HOMER3: variants seen among roughly 807,000 people sequenced by gnomAD.
HOMER3 encodes homer protein homolog 3.
HOMER3 carries 34 observed loss-of-function variants against 45.5 expected under a neutral mutation model. The observed-to-expected ratio is 0.75, with a 90% CI of 0.57 to 1.00. HOMER3 has a LOEUF of 1.00. HOMER3 is among the 50% of genes least tolerant of loss of function. HOMER3 has a pLI of 0.00. For synonymous variants in HOMER3, 223 were observed against 208.8 expected, an observed-to-expected ratio of 1.07 and a Z score of -0.58; for missense variants, 480 against 497.5, an observed-to-expected ratio of 0.96 and a Z score of 0.33.
At chr19:18,931,937 G>A in intron 7 of HOMER3, 39 bp downstream of exon 7, 1 of 1,488,550 alleles carries the variant, frequency 6.7e-7, no homozygotes, top group Non-Finnish European at 8.9e-7. Context: ...CAGTTGCCCG[G>A]GCCAGGTGGG....
rs574022526 is a variant in HOMER3, at chr19:18,938,405, C to T, written c.251G>A (p.Arg84His). 1.3e-4 allele frequency: 211 copies of T among 1,614,040 alleles called. 3 individuals are homozygous for T. In the South Asian group the frequency reaches 2.1e-3, roughly 16 times the overall value. The change falls in exon 4 of 10, where the codon CGC becomes CAC. Residue 84 changes from arginine (R) to histidine (H), a missense_variant. Coordinates refer to ENST00000392351, the MANE Select transcript of HOMER3 (RefSeq NM_004838.4). ...GCCCAGGCCGTAGACTGTGTTGGCG[C>T]GACTGTCGGCCCACTGCCCGAACTT... ...SQKFGQWADS[R>H]ANTVYGLGFA...
At chr19:18,937,672 CAAAAA>C (rs398034178) in intron 4 of HOMER3, among the ~76,000 whole-genome samples, 1 of 64,264 alleles carries the variant, frequency 1.6e-5, no homozygotes, top group Non-Finnish European at 3.1e-5. Context: ...GCATTATCTC[CAAAAA>C]AAAAAAAAAA....
Position 18,929,437 on chromosome 19 carries a change from C to A in HOMER3, c.*6G>T. On this transcript the variant is annotated 3_prime_UTR_variant, in exon 10 of 10. Transcript: ENST00000392351. ...CCGGAATCGTTCATAGAAAACCAGC[C>A]CCGGCTCAGGGCGCAGCCTCAGCCA... is the stretch of plus-strand genomic sequence containing the variant. 1 of 1,588,958 alleles carries A rather than the reference C, an allele frequency of 6.3e-7. No individual in the cohort carries two copies. The highest frequency in any genetic ancestry group is 8.5e-7 in the Non-Finnish European group (1 of 1,171,908).
In HOMER3 at chr19:18,936,317, A is replaced by AAAATAAAT. The variant is rs57691524; in HGVS notation, c.304-1915_304-1908dup. ...GACAAGAGTGAAACTCTGTCTCAAA[A>AAAATAAAT]AAATAAATAAATAAATAAATAAATA... On this transcript the variant is annotated intron_variant, in intron 4 of 9. Transcript: ENST00000392351. Among the ~76,000 whole-genome samples, 1,225 of 139,046 alleles carry AAAATAAAT rather than the reference A, an allele frequency of 8.8e-3. 20 individuals are homozygous for AAAATAAAT. Among genetic ancestry groups the AAAATAAAT allele is most frequent in the African/African-American group, 0.026 (914 of 34,772 alleles). The allele number at this position is 139,046 out of a possible 152,430, so 91.2% of individuals were successfully genotyped here. A position where few individuals can be genotyped will look rare whatever the true frequency, so the allele number is the denominator to read the frequency against.
At chr19:18,938,330 A>G in intron 4 of HOMER3, 23 bp downstream of exon 4, 2 of 1,592,322 alleles carry the variant, frequency 1.3e-6, no homozygotes, top group South Asian at 1.1e-5. Flanking sequence ...GGTTCCCTCC[A>G]CTCTCCCCCT....
chr19:18,938,835 C>G lies in HOMER3; in HGVS notation c.64G>C (p.Ala22Pro). The G allele has an allele frequency of 1.2e-6, 2 of 1,601,720 alleles. No homozygotes were observed. Reference sequence around the variant, plus strand: ...GCTGGGATCCAGTTTCGCTTGGTGGCTGGGTCAATTTGGAACACGTGCGCC... The same window carrying G: ...GCTGGGATCCAGTTTCGCTTGGTGGGTGGGTCAATTTGGAACACGTGCGCC... Reference protein sequence around the residue: ...TRAHVFQIDPATKRNWIPAGK... With the variant: ...TRAHVFQIDPPTKRNWIPAGK... Residue 22 changes from alanine to proline, a missense_variant, in exon 3 of 10, where the codon GCC becomes CCC. Physicochemically the swap from Ala to Pro is conservative, Grantham distance 27 (BLOSUM62 -1). Transcript: ENST00000392351.
intron 5 of HOMER3, among the ~76,000 whole-genome samples, 199 bp downstream of exon 5, chr19:18,934,104 C>T (rs1239340705): frequency 2.0e-5 from 3 of 152,214 alleles, no homozygotes; most frequent in African/African-American, 7.2e-5. Context: ...CAGGCAAGGT[C>T]CAGACCCTCT....
chr19:18,930,058 T>TGA (rs1022684968), intron 9 of HOMER3, among the ~76,000 whole-genome samples: 1 of 151,562 alleles, frequency 6.6e-6, no homozygotes, highest in Non-Finnish European at 1.5e-5. Context: ...AAGACCAGCT[T>TGA]GGCCAACATG....
chr19:18,931,210 C>A (rs1315800812), intron 9 of HOMER3, 115 bp downstream of exon 9: 7 of 891,410 alleles, frequency 7.9e-6, no homozygotes, highest in East Asian at 2.5e-5. Context: ...GGGCATCAGG[C>A]CTTCCACAGG....
Position 18,929,335 on chromosome 19 carries a change from T to A in HOMER3, c.*108A>T. 7 of 1,229,042 alleles carry A rather than the reference T, an allele frequency of 5.7e-6. No homozygotes were observed. The highest frequency in any genetic ancestry group is 2.4e-5 in the East Asian group (1 of 42,174). The allele number at this position is 1,229,042 out of a possible 1,614,324, so 76.1% of individuals were successfully genotyped here. A position where few individuals can be genotyped will look rare whatever the true frequency, so the allele number is the denominator to read the frequency against. On this transcript the variant is annotated 3_prime_UTR_variant, in exon 10 of 10. Transcript: ENST00000392351. ...CAGCCCGGCCCGGCCCACCCAGGGC[T>A]AAGTTGGGACCCCCCAGTCCCTTTC...
intron 6 of HOMER3, 32 bp downstream of exon 6, chr19:18,932,892 C>A: frequency 8.6e-7 from 1 of 1,156,180 alleles, no homozygotes; most frequent in Non-Finnish European, 1.1e-6. Context: ...CCTACCCCCG[C>A]CCCTGCCACG....
chr19:18,932,005 G>A lies in HOMER3; in HGVS notation c.661C>T (p.Arg221Cys), dbSNP rs962394158. Residue 221 changes from arginine to cysteine, a missense_variant, in exon 7 of 10, where the codon CGT becomes TGT. Arg to Cys is a radical substitution (Grantham distance 180, BLOSUM62 -3). Transcript: ENST00000392351. ...AQWRQQLEAQ[R>C]AEAERLRQRV... ...TGCCGCAGCCGCTCGGCCTCTGCAC[G>A]CTGAGCCTCCAGCTGCTGCCTCCAC... is the stretch of plus-strand genomic sequence containing the variant. 2.5e-5 allele frequency: 38 copies of A among 1,545,596 alleles called. No homozygotes were observed. The Middle Eastern group carries it at 6.9e-4, about 28-fold the overall frequency.
At chr19:18,930,249 CAAA>C (rs35747460) in intron 9 of HOMER3, among the ~76,000 whole-genome samples, 3 of 93,724 alleles carry the variant, frequency 3.2e-5, no homozygotes, top group Admixed American at 1.2e-4. Flanking sequence ...GACTCCATCT[CAAA>C]AAAAAAAAAA....
chr19:18,938,808 C>T lies in HOMER3; in HGVS notation c.91G>A (p.Gly31Ser). 6.3e-7 allele frequency: 1 copy of T among 1,599,738 alleles called. No individual in the cohort carries two copies. The highest frequency in any genetic ancestry group is 1.1e-5 in the South Asian group (1 of 88,468). ...PATKRNWIPA[G>S]KHALTVSYFY... ...TAGGAGACAGTGAGTGCGTGCTTGC[C>T]CGCTGGGATCCAGTTTCGCTTGGTG... The change falls in exon 3 of 10, where the codon GGC becomes AGC. Residue 31 changes from glycine (G) to serine (S), a missense_variant. By Grantham distance (56) the Gly-to-Ser change is moderately conservative (BLOSUM62 0). Transcript: ENST00000392351.
chr19:18,932,549 G>A lies in HOMER3; in HGVS notation c.533+375C>T, dbSNP rs117668185. Among the ~76,000 whole-genome samples the A allele has an allele frequency of 3.7e-4, 56 of 152,196 alleles. No homozygotes were observed. In the East Asian group the frequency reaches 0.01, roughly 28 times the overall value. ...CAGAAGCGGGGTCTTGTCGAGGACC[G>A]AGTCAAAGAAGGGGGCACGTGGAGT... On this transcript the variant is annotated intron_variant, in intron 6 of 9. Coordinates refer to ENST00000392351, the MANE Select transcript of HOMER3 (RefSeq NM_004838.4).
chr19:18,932,885 A>ACCCCCCCCCCC, intron 6 of HOMER3, 39 bp downstream of exon 6: 1 of 687,538 alleles, frequency 1.5e-6, no homozygotes, highest in Non-Finnish European at 2.1e-6. Context: ...CCCCACCCCT[A>ACCCCCCCCCCC]CCCCCGCCCC....
chr19:18,933,113 T>A (rs894893233), intron 5 of HOMER3, 68 bp from the exon 6 acceptor site: 3 of 1,404,364 alleles, frequency 2.1e-6, no homozygotes, highest in Admixed American at 3.0e-5. Context: ...GTGACTGGGG[T>A]CGTCACATCG....
At chr19:18,935,957 T>G (rs2057088253) in intron 4 of HOMER3, among the ~76,000 whole-genome samples, 2 of 150,398 alleles carry the variant, frequency 1.3e-5, no homozygotes, top group South Asian at 4.2e-4. Context: ...AGGTGGAGGT[T>G]GCAGTGAGCT....
chr19:18,933,053 C>T lies in HOMER3; in HGVS notation c.412-8G>A. ...GAGAGGGCTCGGGGGCACCTAGGCACGGGGAAAAGAATAGGTCACGACCCC... is the reference window on the plus strand; with the variant it reads ...GAGAGGGCTCGGGGGCACCTAGGCATGGGGAAAAGAATAGGTCACGACCCC... On this transcript the variant is annotated splice_polypyrimidine_tract_variant and splice_region_variant and intron_variant, in intron 5 of 9. Transcript: ENST00000392351. 1.3e-6 allele frequency: 2 copies of T among 1,487,398 alleles called. No homozygotes were observed. The highest frequency in any genetic ancestry group is 8.9e-7 in the Non-Finnish European group (1 of 1,123,476). The allele number at this position is 1,487,398 out of a possible 1,614,324, so 92.1% of individuals were successfully genotyped here.
Sources: gnomAD v4.1 joint callset for allele counts (sites outside exome capture counted in the v4.1 genomes callset) on GRCh38, gnomAD v4.1.1 for gene constraint, MANE v1.5 for transcripts, NCBI Gene and HGNC (gene_info 2026-07-23, HGNC 2026-07-21) for gene names.